Variants in ERO1B observed in about 807,000 individuals in gnomAD.
ERO1B encodes the protein ERO1-like protein beta.
Under a neutral mutation model 75.3 loss-of-function variants are expected in ERO1B, and 49 were observed. That is an observed-to-expected ratio of 0.65 (90% CI 0.52 to 0.83). ERO1B has a LOEUF of 0.83. ERO1B is among the 40% of genes least tolerant of loss of function. ERO1B has a pLI of 0.00. For missense variants in ERO1B, 512 were observed against 560.1 expected (o/e 0.91, Z 0.87); for synonymous variants, 191 against 192.9 (o/e 0.99, Z 0.08).
rs1239545196 is a variant in ERO1B at position 236,279,677 on chromosome 1, A to AC, written c.102+2004_102+2005insG. The stretch of plus-strand genomic sequence containing the variant: ...AACCCTGTCTACTGGGAAAAAAAAA[A>AC]AAAACACACACACAAAAATTAGCCA... On this transcript the variant is annotated intron_variant, in intron 1 of 15. Transcript: ENST00000354619. Among the ~76,000 whole-genome samples the AC allele has an allele frequency of 2.3e-3, 197 of 84,518 alleles. 1 individual carries two copies. In the South Asian group the frequency reaches 0.052, roughly 22 times the overall value. The allele number at this position is 84,518 out of a possible 152,430, so 55.4% of individuals were successfully genotyped here.
Position 236,216,072 on chromosome 1 carries a change from C to G in ERO1B, c.*2444G>C, listed in dbSNP as rs961010819. ...AACAGGAGAAACATTCAAAGTTTAC[C>G]AATTTTAATATATAGTTTGTCTAAC... On this transcript the variant is annotated 3_prime_UTR_variant, in exon 16 of 16. Transcript: ENST00000354619. The G allele has an allele frequency of 6.6e-6, 1 of 152,072 alleles. No homozygotes were observed. The highest frequency in any genetic ancestry group is 1.5e-5 in the Non-Finnish European group (1 of 67,964). The allele number at this position is 152,072 out of a possible 1,614,324, so 9.4% of individuals were successfully genotyped here. A position where few individuals can be genotyped will look rare whatever the true frequency, so the allele number is the denominator to read the frequency against.
chr1:236,272,763 G>T (rs978895583), intron 1 of ERO1B, among the ~76,000 whole-genome samples: 5 of 151,978 alleles, frequency 3.3e-5, no homozygotes, highest in Non-Finnish European at 5.9e-5. Context: ...TCCTTTTCTG[G>T]TAATGCATCC....
At chr1:236,218,812 T>G in intron 15 of ERO1B, among the ~76,000 whole-genome samples, 1 of 152,186 alleles carries the variant, frequency 6.6e-6, no homozygotes, top group East Asian at 1.9e-4. Context: ...AACAGTGATA[T>G]GAATAATTCT....
At chr1:236,254,913 G>A (rs61833555) in intron 2 of ERO1B, among the ~76,000 whole-genome samples, 20 of 149,764 alleles carry the variant, frequency 1.3e-4, no homozygotes, top group East Asian at 4.1e-4. Context: ...GTGCCTGGCC[G>A]GTCTTTATCT....
chr1:236,258,353 A>G (rs1199986161), intron 2 of ERO1B, among the ~76,000 whole-genome samples: 2 of 151,470 alleles, frequency 1.3e-5, no homozygotes, highest in East Asian at 1.9e-4. Flanking sequence ...TTCAACAGAA[A>G]CCTTGTAGGC....
At chr1:236,278,267 CAA>C (rs1665751830) in intron 1 of ERO1B, among the ~76,000 whole-genome samples, 1 of 152,116 alleles carries the variant, frequency 6.6e-6, no homozygotes, top group African/African-American at 2.4e-5. Context: ...TACAAATTCT[CAA>C]AAGTTTCTTC....
intron 5 of ERO1B, among the ~76,000 whole-genome samples, chr1:236,245,336 A>G (rs1299807537): frequency 3.1e-5 from 1 of 32,064 alleles, no homozygotes; most frequent in African/African-American, 5.6e-5. Flanking sequence ...ACACGTATAT[A>G]TATACGTATA....
intron 2 of ERO1B, chr1:236,268,095 A>C (rs1247607673): frequency 2.0e-5 from 3 of 152,246 alleles, no homozygotes; most frequent in Admixed American, 2.0e-4. Flanking sequence ...TTCCTAAAGG[A>C]TTTTGTACAG....
At chr1:236,263,611 T>C (rs1016509495) in intron 2 of ERO1B, among the ~76,000 whole-genome samples, 1 of 152,082 alleles carries the variant, frequency 6.6e-6, no homozygotes, top group Admixed American at 6.6e-5. Context: ...CGAATTAAAA[T>C]TGTTAGGCTA....
chr1:236,272,147 G>A (rs1317789910), intron 1 of ERO1B, among the ~76,000 whole-genome samples: 1 of 152,150 alleles, frequency 6.6e-6, no homozygotes, highest in Non-Finnish European at 1.5e-5. Context: ...ACAATATGGA[G>A]ATTTATCAAA....
intron 2 of ERO1B, among the ~76,000 whole-genome samples, chr1:236,267,123 C>G (rs1665462246): frequency 6.6e-6 from 1 of 152,114 alleles, no homozygotes; most frequent in Admixed American, 6.5e-5. Flanking sequence ...CGTACCTGGA[C>G]AGAAATATAA....
rs1665245752 is a variant in ERO1B at position 236,259,613 on chromosome 1, T to C, written c.223-6108A>G. Among the ~76,000 whole-genome samples, 4 of 152,094 alleles carry C rather than the reference T, an allele frequency of 2.6e-5. 1 individual carries two copies. In the South Asian group the frequency reaches 8.3e-4, roughly 31 times the overall value. ...ATCCATATGTCAGACAAAATAGACTTTAAGTCAAACATGTAAAAAGAGATA... is the reference window on the plus strand; with the variant it reads ...ATCCATATGTCAGACAAAATAGACTCTAAGTCAAACATGTAAAAAGAGATA... On this transcript the variant is annotated intron_variant, in intron 2 of 15. Coordinates refer to ENST00000354619, the MANE Select transcript of ERO1B (RefSeq NM_019891.4).
At chr1:236,253,585 T>A in intron 2 of ERO1B, 80 bp from the exon 3 acceptor site, 1 of 877,656 alleles carries the variant, frequency 1.1e-6, no homozygotes, top group Non-Finnish European at 1.9e-6. Flanking sequence ...TGGGCACCAG[T>A]GACATGGTGG....
At chr1:236,222,049 T>G in intron 13 of ERO1B, 39 bp from the exon 14 acceptor site, 1 of 1,512,578 alleles carries the variant, frequency 6.6e-7, no homozygotes, top group Non-Finnish European at 9.2e-7. Flanking sequence ...ATTAGACTTT[T>G]AAAATTGAAC....
At chr1:236,271,943 G>C (rs1234062358) in intron 1 of ERO1B, among the ~76,000 whole-genome samples, 1 of 152,030 alleles carries the variant, frequency 6.6e-6, no homozygotes, top group Admixed American at 6.6e-5. Context: ...GGTTAACAAA[G>C]TTGCCATGTA....
intron 13 of ERO1B, 136 bp downstream of exon 13, chr1:236,224,934 A>T: frequency 1.3e-6 from 1 of 761,576 alleles, no homozygotes; most frequent in Admixed American, 2.4e-5. Context: ...TTTTTGTACC[A>T]TTTGTATTAA....
rs1328485239 is a variant in ERO1B at position 236,239,928 on chromosome 1, T to C, written c.505+3494A>G. 4.9e-5 allele frequency among the ~76,000 whole-genome samples: 7 copies of C among 143,398 alleles called. No homozygotes were observed. In the East Asian group the frequency reaches 1.5e-3, roughly 30 times the overall value. The allele number at this position is 143,398 out of a possible 152,430, so 94.1% of individuals were successfully genotyped here. On this transcript the variant is annotated intron_variant, in intron 6 of 15. Transcript: ENST00000354619. ...ATATATATATTTTTTTTTTTTGCGA[T>C]GAGGCTGACTCTGTTGAGCAGTGGG...
chr1:236,217,443 G>A lies in ERO1B; in HGVS notation c.*1073C>T, dbSNP rs969677105. The A allele has an allele frequency of 2.6e-5, 4 of 152,362 alleles. No individual in the cohort carries two copies. Among genetic ancestry groups the A allele is most frequent in the African/African-American group, 9.7e-5 (4 of 41,378 alleles). 9.4% of individuals were successfully genotyped at this position (152,362 alleles called of 1,614,324 possible). ...AGTGAAAAGAAAAGGTGAGGGGAGA[G>A]TAAGCTTAAAGGAGGGTTGACCTAA... is the stretch of plus-strand genomic sequence containing the variant. On this transcript the variant is annotated 3_prime_UTR_variant, in exon 16 of 16. Transcript: ENST00000354619.
intron 2 of ERO1B, among the ~76,000 whole-genome samples, chr1:236,258,775 G>C (rs1665225893): frequency 6.6e-6 from 1 of 152,156 alleles, no homozygotes; most frequent in Non-Finnish European, 1.5e-5. Context: ...TGTAATCCCA[G>C]CTACTCGGGA....
Sources: allele counts gnomAD v4.1 joint callset (sites outside exome capture counted in the v4.1 genomes callset), GRCh38; gene constraint gnomAD v4.1.1; transcripts MANE v1.5; gene names NCBI Gene and HGNC (gene_info 2026-07-23, HGNC 2026-07-21).